Variants in WDR26 observed in about 807,000 individuals in gnomAD.
WDR26 encodes WD repeat-containing protein 26.
In WDR26, 5 loss-of-function variants were observed where a neutral mutation model predicts 84.1. That is an observed-to-expected ratio of 0.06 (90% CI 0.03 to 0.13). The LOEUF (loss-of-function observed/expected upper bound fraction) is 0.13, where lower values mean the gene tolerates loss of function less well. Among genes scored for constraint, WDR26 ranks in the 10% least tolerant of loss-of-function variants. The probability of loss-of-function intolerance (pLI) is 1.00; values close to 1 mark genes in which losing one functional copy is unlikely to be tolerated. For synonymous variants in WDR26, 415 were observed against 389.6 expected, an observed-to-expected ratio of 1.07 and a Z score of -0.77; for missense variants, 642 against 974.9, an observed-to-expected ratio of 0.66 and a Z score of 4.55.
At chr1:224,413,219 A>AC in intron 6 of WDR26, 1 of 913,676 alleles carries the variant, frequency 1.1e-6, no homozygotes, top group Non-Finnish European at 1.4e-6. Flanking sequence ...CCCCCCCCCC[A>AC]AAAAAAACGT....
intron 6 of WDR26, among the ~76,000 whole-genome samples, chr1:224,413,683 G>A (rs1673802685): frequency 6.6e-6 from 1 of 152,140 alleles, no homozygotes; most frequent in African/African-American, 2.4e-5. Context: ...ACCTATGGTT[G>A]ACTCCAAGAC....
chr1:224,394,832 G>C (rs1157867640), intron 12 of WDR26, among the ~76,000 whole-genome samples: 1 of 152,116 alleles, frequency 6.6e-6, no homozygotes, highest in Non-Finnish European at 1.5e-5. Context: ...CATAGGTTAT[G>C]GTTAAGTGGT....
In WDR26 at chr1:224,389,708, A is replaced by T. The variant is rs1409441123; in HGVS notation, c.*127T>A. 1 of 1,027,404 alleles carries T rather than the reference A, an allele frequency of 9.7e-7. No homozygotes were observed. 63.6% of individuals were successfully genotyped at this position (1,027,404 alleles called of 1,614,324 possible). On this transcript the variant is annotated 3_prime_UTR_variant, in exon 14 of 14. Coordinates refer to ENST00000414423, the MANE Select transcript of WDR26 (RefSeq NM_001379403.1). Reference sequence around the variant, plus strand: ...TGTTTGGCCCCAATCGGGCTTCAGAAATGGTTCTTTTTTCATGACGAGCAT... The same window carrying T: ...TGTTTGGCCCCAATCGGGCTTCAGATATGGTTCTTTTTTCATGACGAGCAT...
chr1:224,395,817 G>C (rs994337870), intron 12 of WDR26, among the ~76,000 whole-genome samples: 1 of 152,176 alleles, frequency 6.6e-6, no homozygotes, highest in African/African-American at 2.4e-5. Flanking sequence ...CAAAATGACA[G>C]GCTTTATCAT....
chr1:224,421,659 G>A (rs557513635), intron 4 of WDR26, among the ~76,000 whole-genome samples: 4 of 152,310 alleles, frequency 2.6e-5, no homozygotes, highest in Non-Finnish European at 5.9e-5. Flanking sequence ...GCCAGGTGTG[G>A]TGGCTTGTGC....
intron 7 of WDR26, 135 bp downstream of exon 7, chr1:224,411,292 A>C: frequency 1.1e-6 from 1 of 897,038 alleles, no homozygotes; most frequent in Non-Finnish European, 1.6e-6. Flanking sequence ...ACAACACATG[A>C]AGATGTAAAA....
intron 6 of WDR26, among the ~76,000 whole-genome samples, chr1:224,412,757 T>C (rs961805864): frequency 6.6e-6 from 1 of 152,240 alleles, no homozygotes; most frequent in Non-Finnish European, 1.5e-5. Flanking sequence ...ACACTTGAAA[T>C]GTGGCCAGTA....
At position 224,398,149 on chromosome 1, in the gene WDR26, A is replaced by G; in HGVS notation, c.2022T>C (p.Ile674=). ...CATTATGGCCTCCAAAACATGAATG[A>G]ATTGTATAAAACCCTTGTGTAACAC... The change falls in exon 12 of 14, where the codon ATT becomes ATC. Residue 674 remains isoleucine (I), a synonymous_variant. Transcript: ENST00000414423. 1.9e-6 allele frequency: 3 copies of G among 1,613,716 alleles called. No homozygotes were observed. Among genetic ancestry groups the G allele is most frequent in the Non-Finnish European group, 2.5e-6 (3 of 1,179,890 alleles).
At chr1:224,411,704 C>CTTT (rs376478237) in intron 6 of WDR26, 139 bp from the exon 7 acceptor site, 68 of 728,054 alleles carry the variant, frequency 9.3e-5, no homozygotes, top group Non-Finnish European at 1.1e-4. Context: ...ATTTGTAAAT[C>CTTT]TTTTTTTTTT....
chr1:224,403,217 A>C (rs1441093962), intron 8 of WDR26, among the ~76,000 whole-genome samples: 1 of 151,860 alleles, frequency 6.6e-6, no homozygotes, highest in East Asian at 1.9e-4. Context: ...TGCACCTGCT[A>C]ATTTTTGTAG....
intron 4 of WDR26, among the ~76,000 whole-genome samples, chr1:224,423,975 T>A (rs767778465): frequency 6.6e-6 from 1 of 152,288 alleles, no homozygotes; most frequent in African/African-American, 2.4e-5. Context: ...CTCATGCCTG[T>A]AATCCCTGCA....
chr1:224,418,660 G>A (rs1051079974), intron 5 of WDR26, among the ~76,000 whole-genome samples: 3 of 152,116 alleles, frequency 2.0e-5, no homozygotes, highest in South Asian at 4.1e-4. Flanking sequence ...TTTTCTAGGG[G>A]CAGGGAGGAT....
chr1:224,420,502 T>C (rs754296455), intron 4 of WDR26, among the ~76,000 whole-genome samples: 8 of 152,228 alleles, frequency 5.3e-5, no homozygotes, highest in African/African-American at 9.6e-5. Flanking sequence ...ATGAGGATTC[T>C]TGAAGATGAA....
Position 224,389,386 on chromosome 1 carries a change from T to G in WDR26, c.*449A>C. The stretch of plus-strand genomic sequence containing the variant: ...ATTTGGAGAAACAAAAGAAGGAAAT[T>G]CTTTCCTATCCAATGTATACTCTTC... On this transcript the variant is annotated 3_prime_UTR_variant, in exon 14 of 14. Coordinates refer to ENST00000414423, the MANE Select transcript of WDR26 (RefSeq NM_001379403.1). The G allele has an allele frequency of 6.3e-6, 2 of 318,116 alleles. No homozygotes were observed. The highest frequency in any genetic ancestry group is 2.1e-5 in the African/African-American group (1 of 46,854). The allele number at this position is 318,116 out of a possible 1,614,324, so 19.7% of individuals were successfully genotyped here. A position where few individuals can be genotyped will look rare whatever the true frequency, so the allele number is the denominator to read the frequency against.
chr1:224,408,593 T>TTCTAG (rs1673645416), intron 7 of WDR26, among the ~76,000 whole-genome samples: 2 of 152,162 alleles, frequency 1.3e-5, no homozygotes, highest in African/African-American at 4.8e-5. Flanking sequence ...CAAACTCTTT[T>TTCTAG]TCTAGTCTAA....
chr1:224,434,275 G>C lies in WDR26; in HGVS notation c.131C>G (p.Ala44Gly). The change falls in exon 1 of 14, where the codon GCT (alanine) becomes GGT (glycine). Residue 44 changes from alanine (A) to glycine (G), a missense_variant. By Grantham distance (60) the Ala-to-Gly change is moderately conservative. This residue lies in a region of WDR26 where 291 missense variants were observed against 302.1 expected (regional missense o/e 0.96). Coordinates refer to ENST00000414423, the MANE Select transcript of WDR26 (RefSeq NM_001379403.1). ...GGAGAGGCCTGCTCTGCCTGCCGAA[G>C]CCCCGGGCTCTCCTACTCCCTCCGC... The C allele has an allele frequency of 7.8e-7, 1 of 1,280,418 alleles. No individual in the cohort carries two copies. Among genetic ancestry groups the C allele is most frequent in the African/African-American group, 1.5e-5 (1 of 64,988 alleles). 79.3% of individuals were successfully genotyped at this position (1,280,418 alleles called of 1,614,324 possible).
rs1274044100 is a variant in WDR26 at position 224,411,542 on chromosome 1, T to C, written c.1343A>G (p.Gln448Arg). Residue 448 changes from glutamine (Q) to arginine (R), a missense_variant, in exon 7 of 14, where the codon CAG (glutamine) becomes CGG (arginine). Physicochemically the swap from Gln to Arg is conservative, Grantham distance 43 (BLOSUM62 1). This residue lies in a region of WDR26 where 351 missense variants were observed against 672.8 expected (regional missense o/e 0.52). Coordinates refer to ENST00000414423, the MANE Select transcript of WDR26 (RefSeq NM_001379403.1). The stretch of plus-strand genomic sequence containing the variant: ...ATTACAATGCTCCGTAAGTATCTGC[T>C]GCGTATAACATGGGAACTGCCTCCT... 6.2e-7 allele frequency: 1 copy of C among 1,610,920 alleles called. No individual in the cohort carries two copies. Among genetic ancestry groups the C allele is most frequent in the African/African-American group, 1.3e-5 (1 of 74,838 alleles).
chr1:224,396,382 T>C (rs1035768198), intron 12 of WDR26, among the ~76,000 whole-genome samples: 1 of 152,116 alleles, frequency 6.6e-6, no homozygotes, highest in Non-Finnish European at 1.5e-5. Context: ...CAGGATTGAA[T>C]AGACCATGGA....
rs1418222001 is a variant in WDR26 at position 224,386,566 on chromosome 1, A to G, written c.*3269T>C. ...GAAGGGTTTTCTATTAATGTCATGG[A>G]ATATGCCACTGTAGAGGCAGAACAC... is the stretch of plus-strand genomic sequence containing the variant. On this transcript the variant is annotated 3_prime_UTR_variant, in exon 14 of 14. Coordinates refer to ENST00000414423, the MANE Select transcript of WDR26 (RefSeq NM_001379403.1). 3 of 152,608 alleles carry G rather than the reference A, an allele frequency of 2.0e-5. No individual in the cohort carries two copies. Among genetic ancestry groups the G allele is most frequent in the African/African-American group, 7.2e-5 (3 of 41,452 alleles). 9.5% of individuals were successfully genotyped at this position (152,608 alleles called of 1,614,324 possible). A position where few individuals can be genotyped will look rare whatever the true frequency, so the allele number is the denominator to read the frequency against.
Sources: allele counts gnomAD v4.1 joint callset (sites outside exome capture counted in the v4.1 genomes callset), GRCh38; gene constraint gnomAD v4.1.1; regional missense constraint gnomAD v4.1.1; transcripts MANE v1.5; gene names NCBI Gene and HGNC (gene_info 2026-07-23, HGNC 2026-07-21).